Variants in LRRC7 observed in about 807,000 individuals in gnomAD.
LRRC7 encodes leucine rich repeat containing 7, also known as leucine-rich repeat-containing protein 7.
In LRRC7, 23 loss-of-function variants were observed where a neutral mutation model predicts 175.7. The ratio of observed to expected loss-of-function variants is 0.13; its 90% CI spans 0.09 to 0.19. LRRC7 has a LOEUF of 0.19. Ranked by LOEUF, LRRC7 falls within the 10% of genes least tolerant of loss-of-function variation. The pLI is 1.00. For synonymous variants in LRRC7, 685 were observed against 680.9 expected, an observed-to-expected ratio of 1.01 and a Z score of -0.09; for missense variants, 1,354 against 1,904.7, an observed-to-expected ratio of 0.71 and a Z score of 5.38.
In LRRC7 at chr1:69,834,766, T is replaced by A. The variant is rs1363260233; in HGVS notation, c.501-14T>A. 1.2e-6 allele frequency: 2 copies of A among 1,603,938 alleles called. No homozygotes were observed. The highest frequency in any genetic ancestry group is 2.2e-5 in the South Asian group (2 of 90,760). ...AACATCAATGCAGTGACTAAAACTT[T>A]AACTCCTTTTTAGACTACCTGATGG... On this transcript the variant is annotated splice_polypyrimidine_tract_variant and intron_variant, in intron 5 of 26. Transcript: ENST00000651989.
In LRRC7 at chr1:69,568,636, G is replaced by C. The variant is rs1645596304; in HGVS notation, c.-4G>C. The stretch of plus-strand genomic sequence containing the variant: ...AACCTCATGGGCAGTTTCTCCCGCC[G>C]GCGATGTGAGTAAGGCACGCTCGCT... On this transcript the variant is annotated 5_prime_UTR_variant, in exon 1 of 27. Transcript: ENST00000651989. 1.5e-6 allele frequency: 2 copies of C among 1,352,352 alleles called. No individual in the cohort carries two copies. The highest frequency in any genetic ancestry group is 2.0e-5 in the Admixed American group (1 of 50,998). The allele number at this position is 1,352,352 out of a possible 1,614,324, so 83.8% of individuals were successfully genotyped here. A position where few individuals can be genotyped will look rare whatever the true frequency, so the allele number is the denominator to read the frequency against.
At chr1:70,090,194 T>G (rs530341144) in intron 25 of LRRC7, among the ~76,000 whole-genome samples, 1 of 152,172 alleles carries the variant, frequency 6.6e-6, no homozygotes, top group Non-Finnish European at 1.5e-5. Context: ...TTTAGGAAAC[T>G]GTTTTCTCAC....
At position 70,038,509 on chromosome 1, in the gene LRRC7, T is replaced by C. The variant is rs1236929092; in HGVS notation, c.2685T>C (p.Ala895=). The C allele has an allele frequency of 5.0e-6, 8 of 1,613,900 alleles. No individual in the cohort carries two copies. Among genetic ancestry groups the C allele is most frequent in the Non-Finnish European group, 6.8e-6 (8 of 1,179,996 alleles). ...RTPSPFEDRT[A]FPSKLETTPT... ...CTAGTCCGTTTGAAGACAGGACCGC[T>C]TTTCCTTCCAAATTAGAGACAACCC... The change falls in exon 21 of 27, where the codon GCT becomes GCC. Residue 895 remains alanine, a synonymous_variant. Transcript: ENST00000651989.
At chr1:70,036,746 G>A in intron 20 of LRRC7, 122 bp downstream of exon 20, 1 of 1,014,734 alleles carries the variant, frequency 9.9e-7, no homozygotes, top group Non-Finnish European at 1.4e-6. Context: ...GACAGAAGGG[G>A]CAGGTAAGCA....
intron 1 of LRRC7, among the ~76,000 whole-genome samples, chr1:69,593,151 G>A (rs1392693276): frequency 6.6e-6 from 1 of 152,030 alleles, no homozygotes; most frequent in East Asian, 1.9e-4. Context: ...AATTTGTAGT[G>A]TATAGCATGG....
At chr1:69,762,754 G>C (rs1342794591) in intron 3 of LRRC7, among the ~76,000 whole-genome samples, 1 of 151,940 alleles carries the variant, frequency 6.6e-6, no homozygotes, top group Non-Finnish European at 1.5e-5. Context: ...AAGATATTTT[G>C]TCTGTTTGGT....
chr1:69,690,533 T>C (rs1048421425), intron 2 of LRRC7, among the ~76,000 whole-genome samples: 7 of 152,208 alleles, frequency 4.6e-5, no homozygotes, highest in African/African-American at 1.7e-4. Flanking sequence ...TTCAGCCCTT[T>C]TTACACCCTT....
chr1:69,829,936 C>T (rs1680339552), intron 5 of LRRC7, among the ~76,000 whole-genome samples: 1 of 151,666 alleles, frequency 6.6e-6, no homozygotes, highest in African/African-American at 2.4e-5. Context: ...TTAGAAACTA[C>T]AAAATGTACC....
chr1:69,960,258 T>C (rs893509177), intron 8 of LRRC7, among the ~76,000 whole-genome samples: 3 of 152,174 alleles, frequency 2.0e-5, no homozygotes, highest in African/African-American at 7.2e-5. Flanking sequence ...TGTAGATTTC[T>C]AGTTTATGTG....
intron 2 of LRRC7, among the ~76,000 whole-genome samples, chr1:69,746,170 TTAACA>T (rs1669236272): frequency 6.6e-6 from 1 of 152,048 alleles, no homozygotes. Flanking sequence ...GATATCCATG[TTAACA>T]TAAAGTGCTC....
At chr1:69,690,706 T>C (rs1661751534) in intron 2 of LRRC7, among the ~76,000 whole-genome samples, 1 of 152,104 alleles carries the variant, frequency 6.6e-6, no homozygotes. Flanking sequence ...GACAGCTGGA[T>C]TTGCCCCAGA....
At chr1:69,680,173 C>A (rs916183439) in intron 2 of LRRC7, among the ~76,000 whole-genome samples, 1 of 152,066 alleles carries the variant, frequency 6.6e-6, no homozygotes, top group African/African-American at 2.4e-5. Flanking sequence ...GTGCTGCAAG[C>A]CACACCTACT....
chr1:69,748,020 G>A (rs958971631), intron 2 of LRRC7, among the ~76,000 whole-genome samples: 1 of 152,050 alleles, frequency 6.6e-6, no homozygotes, highest in Admixed American at 6.6e-5. Flanking sequence ...TATGTTTCAT[G>A]AATCTCTTAA....
intron 2 of LRRC7, among the ~76,000 whole-genome samples, chr1:69,759,060 C>G (rs1313116867): frequency 6.6e-6 from 1 of 151,890 alleles, no homozygotes; most frequent in Non-Finnish European, 1.5e-5. Context: ...AAATAGCCCA[C>G]ACAATTAGGA....
chr1:69,673,435 C>T (rs142138720), intron 1 of LRRC7, among the ~76,000 whole-genome samples: 64 of 152,336 alleles, frequency 4.2e-4, no homozygotes, highest in African/African-American at 1.4e-3. Context: ...ATCTGTCTCA[C>T]CTGTGGTCAT....
chr1:69,790,798 A>G (rs1462101113), intron 3 of LRRC7, among the ~76,000 whole-genome samples: 2 of 152,012 alleles, frequency 1.3e-5, no homozygotes, highest in Non-Finnish European at 2.9e-5. Flanking sequence ...TCATACAAAG[A>G]AATAGCAACA....
intron 4 of LRRC7, among the ~76,000 whole-genome samples, chr1:69,810,931 A>C (rs1677772279): frequency 1.3e-5 from 2 of 152,212 alleles, no homozygotes; most frequent in African/African-American, 4.8e-5. Flanking sequence ...CTGGGATCTA[A>C]TTACACTGAA....
intron 1 of LRRC7, among the ~76,000 whole-genome samples, chr1:69,600,291 T>C (rs1180417807): frequency 6.6e-6 from 1 of 152,146 alleles, no homozygotes; most frequent in Non-Finnish European, 1.5e-5. Flanking sequence ...TAGCATCCTT[T>C]TTTATGTCCC....
Position 69,986,261 on chromosome 1 carries a change from T to C in LRRC7, c.806T>C (p.Met269Thr). 1 of 1,613,342 alleles carries C rather than the reference T, an allele frequency of 6.2e-7. No individual in the cohort carries two copies. Among genetic ancestry groups the C allele is most frequent in the South Asian group, 1.1e-5 (1 of 91,042 alleles). ...ATCAAGTCTATAGGGAAGTTAAAGA[T>C]GTTGGTATACCTGGATATGTCAAAA... ...VLPGSIGKLK[M>T]LVYLDMSKNR... Residue 269 changes from methionine (M) to threonine (T), a missense_variant, in exon 10 of 27, where the codon ATG (methionine) becomes ACG (threonine). Met to Thr is a moderately conservative substitution (Grantham distance 81). This residue lies in a region of LRRC7 where 201 missense variants were observed against 481.4 expected (regional missense o/e 0.42). Transcript: ENST00000651989.
Sources: gnomAD v4.1 joint callset for allele counts (sites outside exome capture counted in the v4.1 genomes callset) on GRCh38, gnomAD v4.1.1 for gene constraint, gnomAD v4.1.1 regional missense constraint, MANE v1.5 for transcripts, NCBI Gene and HGNC (gene_info 2026-07-23, HGNC 2026-07-21) for gene names.